The following SMYD3 variants were observed in gnomAD, a reference collection of about 807,000 sequenced individuals.
SMYD3 encodes the protein SET and MYND domain containing 3, also known as histone-lysine N-methyltransferase SMYD3.
SMYD3 carries 36 observed loss-of-function variants against 57.7 expected under a neutral mutation model. The ratio of observed to expected loss-of-function variants is 0.62; its 90% CI spans 0.48 to 0.82. The LOEUF (loss-of-function observed/expected upper bound fraction) is 0.82. Ranked by LOEUF, SMYD3 falls within the 40% of genes least tolerant of loss-of-function variation. The pLI is 0.00. For missense variants in SMYD3, 515 were observed against 538.8 expected, an observed-to-expected ratio of 0.96 and a Z score of 0.44; for synonymous variants, 211 against 195.0, an observed-to-expected ratio of 1.08 and a Z score of -0.68.
chr1:246,084,195 C>CTTTTTTTTTTTTTT (rs772938424), intron 5 of SMYD3, among the ~76,000 whole-genome samples: 5 of 135,462 alleles, frequency 3.7e-5, no homozygotes, highest in African/African-American at 1.4e-4. Flanking sequence ...CTGACAATTC[C>CTTTTTTTTTTTTTT]TTTTTTTTTT....
At chr1:246,503,375 C>A (rs1014576055) in intron 1 of SMYD3, among the ~76,000 whole-genome samples, 14 of 152,324 alleles carry the variant, frequency 9.2e-5, no homozygotes, top group African/African-American at 2.6e-4. Flanking sequence ...CTGCAGGCAA[C>A]TTGGAACTTG....
chr1:246,410,520 C>G (rs12143117), intron 1 of SMYD3, among the ~76,000 whole-genome samples: 65,525 of 150,952 alleles, frequency 0.43, 14,683 homozygotes, highest in Admixed American at 0.54. Flanking sequence ...AGGGATGAAG[C>G]CCACTTGATC....
At chr1:246,166,342 C>T (rs1050557059) in intron 5 of SMYD3, among the ~76,000 whole-genome samples, 2 of 152,108 alleles carry the variant, frequency 1.3e-5, no homozygotes, top group African/African-American at 4.8e-5. Flanking sequence ...ATTCTCTCAC[C>T]GGAATCATTT....
chr1:246,256,865 G>A (rs1268781308), intron 5 of SMYD3, among the ~76,000 whole-genome samples: 1 of 151,980 alleles, frequency 6.6e-6, no homozygotes, highest in Non-Finnish European at 1.5e-5. Flanking sequence ...TGGTACCTGT[G>A]CCTCTGTTTT....
At chr1:246,268,854 C>T (rs1362158500) in intron 5 of SMYD3, among the ~76,000 whole-genome samples, 2 of 152,096 alleles carry the variant, frequency 1.3e-5, no homozygotes, top group African/African-American at 2.4e-5. Context: ...ACCATGGACT[C>T]GCCCTGAATT....
chr1:246,037,441 T>C (rs1572926261), intron 5 of SMYD3, among the ~76,000 whole-genome samples: 1 of 152,214 alleles, frequency 6.6e-6, no homozygotes, highest in Non-Finnish European at 1.5e-5. Context: ...CTCCCTCCTC[T>C]GATAACTTCT....
intron 8 of SMYD3, among the ~76,000 whole-genome samples, chr1:245,892,512 TC>T (rs1277715922): frequency 1.3e-5 from 2 of 152,224 alleles, no homozygotes; most frequent in Non-Finnish European, 2.9e-5. Flanking sequence ...ACATGCTCTT[TC>T]CACCGTATCA....
chr1:246,372,570 G>C (rs1174845989), intron 1 of SMYD3, among the ~76,000 whole-genome samples: 1 of 152,156 alleles, frequency 6.6e-6, no homozygotes, highest in Non-Finnish European at 1.5e-5. Context: ...ACAGAAAGAG[G>C]AGATAACAGT....
At chr1:246,050,735 A>C (rs1351246985) in intron 5 of SMYD3, among the ~76,000 whole-genome samples, 1 of 152,166 alleles carries the variant, frequency 6.6e-6, no homozygotes, top group East Asian at 1.9e-4. Context: ...TTGATTATGC[A>C]GGTGCACACA....
chr1:246,257,280 G>A (rs1366469128), intron 5 of SMYD3, among the ~76,000 whole-genome samples: 1 of 152,154 alleles, frequency 6.6e-6, no homozygotes, highest in Non-Finnish European at 1.5e-5. Flanking sequence ...CTATTATTGT[G>A]TGGTTGTCTA....
chr1:246,136,819 A>C (rs1210765937), intron 5 of SMYD3, among the ~76,000 whole-genome samples: 1 of 152,222 alleles, frequency 6.6e-6, no homozygotes, highest in Non-Finnish European at 1.5e-5. Flanking sequence ...AATGTCATGT[A>C]ATGAGTCTGA....
At chr1:245,751,405 T>C (rs1373392071) in intron 11 of SMYD3, among the ~76,000 whole-genome samples, 1 of 152,124 alleles carries the variant, frequency 6.6e-6, no homozygotes, top group Non-Finnish European at 1.5e-5. Context: ...AAACAAAGCA[T>C]TTCAGGGGGA....
At chr1:246,503,163 T>C (rs768764950) in intron 1 of SMYD3, among the ~76,000 whole-genome samples, 5 of 152,142 alleles carry the variant, frequency 3.3e-5, no homozygotes, top group African/African-American at 4.8e-5. Context: ...TTTCTCACAA[T>C]CTGTTTTCCC....
chr1:246,411,119 C>A (rs2066961139), intron 1 of SMYD3, among the ~76,000 whole-genome samples: 1 of 152,140 alleles, frequency 6.6e-6, no homozygotes, highest in African/African-American at 2.4e-5. Flanking sequence ...AAAAAACCAG[C>A]TCCTGGATTC....
chr1:246,014,372 A>G (rs868098812), intron 5 of SMYD3, among the ~76,000 whole-genome samples: 1 of 152,174 alleles, frequency 6.6e-6, no homozygotes, highest in Non-Finnish European at 1.5e-5. Flanking sequence ...CACATTGTCA[A>G]GTGCGGCCTA....
At chr1:245,905,780 T>C (rs1236812811) in intron 8 of SMYD3, among the ~76,000 whole-genome samples, 2 of 152,176 alleles carry the variant, frequency 1.3e-5, no homozygotes, top group African/African-American at 4.8e-5. Flanking sequence ...CTGTGCTGGC[T>C]TCAGGTCTAC....
chr1:245,900,175 G>T (rs1427613820), intron 8 of SMYD3, among the ~76,000 whole-genome samples: 1 of 151,944 alleles, frequency 6.6e-6, no homozygotes, highest in Non-Finnish European at 1.5e-5. Context: ...GGTCTCAGTG[G>T]GTATGGTAGA....
chr1:246,422,314 A>G (rs1334554344), intron 1 of SMYD3, among the ~76,000 whole-genome samples: 1 of 152,206 alleles, frequency 6.6e-6, no homozygotes. Context: ...ATAGTTGGAT[A>G]GGACTTTAAA....
intron 8 of SMYD3, among the ~76,000 whole-genome samples, chr1:245,885,344 G>A (rs1403451039): frequency 2.0e-5 from 3 of 152,162 alleles, no homozygotes; most frequent in Admixed American, 2.0e-4. Context: ...ACACCACCAT[G>A]TTGAACATGC....
Sources: gnomAD v4.1 joint callset for allele counts (sites outside exome capture counted in the v4.1 genomes callset) on GRCh38, gnomAD v4.1.1 for gene constraint, MANE v1.5 for transcripts, NCBI Gene and HGNC (gene_info 2026-07-23, HGNC 2026-07-21) for gene names.